TBC1D15: variants seen among roughly 807,000 people sequenced by gnomAD.
The protein encoded by TBC1D15 is GAP for RAB7.
Under a neutral mutation model 95.4 loss-of-function variants are expected in TBC1D15, and 39 were observed. The ratio of observed to expected loss-of-function variants is 0.41; its 90% confidence interval spans 0.32 to 0.53. TBC1D15 has a LOEUF of 0.53. TBC1D15 is among the 20% of genes least tolerant of loss of function. The pLI, the probability that TBC1D15 is intolerant of heterozygous loss-of-function variation, is 0.29. For missense variants in TBC1D15, 733 were observed against 794.3 expected, an observed-to-expected ratio of 0.92 and a Z score of 0.93; for synonymous variants, 258 against 261.3, an observed-to-expected ratio of 0.99 and a Z score of 0.12.
chr12:71,872,739 A>T (rs559356518), intron 2 of TBC1D15, among the ~76,000 whole-genome samples, 190 bp from the exon 3 acceptor site: 4 of 152,338 alleles, frequency 2.6e-5, no homozygotes, highest in Admixed American at 2.6e-4. Flanking sequence ...GTAGCAATAT[A>T]AATTTTTCAT....
intron 2 of TBC1D15, 60 bp downstream of exon 2, chr12:71,872,228 A>G: frequency 1.0e-6 from 1 of 992,180 alleles, no homozygotes; most frequent in Non-Finnish European, 1.5e-6. Context: ...TCATCTTTGG[A>G]GAATTATCAG....
intron 2 of TBC1D15, 86 bp from the exon 3 acceptor site, chr12:71,872,843 A>C: frequency 1.1e-6 from 1 of 937,508 alleles, no homozygotes; most frequent in South Asian, 1.8e-5. Context: ...TAAGAGGCTG[A>C]AATTTTATTT....
chr12:71,906,675 A>G (rs1408320290), intron 10 of TBC1D15, among the ~76,000 whole-genome samples: 2 of 151,484 alleles, frequency 1.3e-5, no homozygotes, highest in African/African-American at 2.4e-5. Context: ...TATCTATGAC[A>G]TGCATTAATG....
chr12:71,850,601 G>A (rs915874681), intron 1 of TBC1D15, among the ~76,000 whole-genome samples: 1 of 151,820 alleles, frequency 6.6e-6, no homozygotes, highest in African/African-American at 2.4e-5. Flanking sequence ...TGTGGACGTG[G>A]GGTCTAGCTG....
chr12:71,877,211 T>TGTG (rs35328541), intron 3 of TBC1D15, among the ~76,000 whole-genome samples: 135 of 131,920 alleles, frequency 1.0e-3, no homozygotes, highest in Admixed American at 1.0e-3. Context: ...TGTGTGTGTG[T>TGTG]TTTTTTTTTT....
intron 10 of TBC1D15, among the ~76,000 whole-genome samples, chr12:71,901,364 A>G (rs917798637): frequency 7.9e-5 from 12 of 152,016 alleles, no homozygotes; most frequent in African/African-American, 2.7e-4. Context: ...CTAAGATGGG[A>G]AAAACTGTTA....
chr12:71,917,882 G>A, intron 13 of TBC1D15, 85 bp downstream of exon 13: 1 of 867,334 alleles, frequency 1.2e-6, no homozygotes, highest in Non-Finnish European at 1.9e-6. Flanking sequence ...AAAGAAGCCA[G>A]GTGCAGTGGC....
chr12:71,878,232 T>C (rs544575393), intron 3 of TBC1D15, among the ~76,000 whole-genome samples: 1 of 151,584 alleles, frequency 6.6e-6, no homozygotes, highest in African/African-American at 2.4e-5. Flanking sequence ...ATTATTCCTT[T>C]GCTCATTGTG....
In TBC1D15 at chr12:71,875,099, C is replaced by T. The variant is rs12580797; in HGVS notation, c.204+2096C>T. On this transcript the variant is annotated intron_variant, in intron 3 of 16. Transcript: ENST00000485960. ...AACTACAGGCGCATGCCACCATGCC[C>T]GGCTAATTTTTGTATTTTTTGTAGA... 5.3e-3 allele frequency among the ~76,000 whole-genome samples: 812 copies of T among 151,900 alleles called. 12 individuals carry two copies. The highest frequency in any genetic ancestry group is 0.018 in the African/African-American group (750 of 41,396).
intron 15 of TBC1D15, 117 bp downstream of exon 15, chr12:71,920,964 A>T: frequency 1.4e-6 from 1 of 733,102 alleles, no homozygotes; most frequent in Non-Finnish European, 2.3e-6. Flanking sequence ...AATTGTGTCA[A>T]TAACAGTGCT....
At chr12:71,881,740 A>AC (rs758592887) in intron 4 of TBC1D15, among the ~76,000 whole-genome samples, 1 of 151,828 alleles carries the variant, frequency 6.6e-6, no homozygotes, top group African/African-American at 2.4e-5. Context: ...AAATGGTGAA[A>AC]CCCTGTCTCT....
intron 3 of TBC1D15, 146 bp from the exon 4 acceptor site, chr12:71,880,323 G>T: frequency 2.1e-6 from 1 of 467,772 alleles, no homozygotes; most frequent in Non-Finnish European, 3.5e-6. Context: ...AGATGATCAA[G>T]AGAGAAAAGT....
intron 3 of TBC1D15, among the ~76,000 whole-genome samples, chr12:71,874,423 T>G (rs1274137035): frequency 6.6e-6 from 1 of 152,276 alleles, no homozygotes; most frequent in South Asian, 2.1e-4. Flanking sequence ...TGGTTCTATT[T>G]GATGTAGCAT....
At chr12:71,849,455 A>G (rs1291212798) in intron 1 of TBC1D15, 7 of 1,026,216 alleles carry the variant, frequency 6.8e-6, no homozygotes, top group African/African-American at 6.3e-5. Context: ...CTTCAAGGGA[A>G]GATTCCAAAC....
chr12:71,909,415 A>G (rs756790985), intron 11 of TBC1D15, among the ~76,000 whole-genome samples: 1 of 152,158 alleles, frequency 6.6e-6, no homozygotes, highest in Non-Finnish European at 1.5e-5. Flanking sequence ...GTGAGACAAA[A>G]ATTATCAAAA....
chr12:71,915,672 G>A (rs1424304055), intron 12 of TBC1D15, among the ~76,000 whole-genome samples: 1 of 151,880 alleles, frequency 6.6e-6, no homozygotes, highest in Non-Finnish European at 1.5e-5. Flanking sequence ...TGTGTATGAA[G>A]GTTCAGTTTC....
chr12:71,910,311 G>A (rs1300870333), intron 11 of TBC1D15, among the ~76,000 whole-genome samples: 1 of 149,942 alleles, frequency 6.7e-6, no homozygotes, highest in Non-Finnish European at 1.5e-5. Context: ...CTCCAGCTTT[G>A]TTCTTTTGGC....
chr12:71,840,497 A>G (rs1032978081), intron 1 of TBC1D15, among the ~76,000 whole-genome samples: 2 of 152,166 alleles, frequency 1.3e-5, no homozygotes, highest in Admixed American at 6.5e-5. Flanking sequence ...TGACACGCCT[A>G]ATTTCGTTGG....
chr12:71,841,756 A>G (rs1293428466), intron 1 of TBC1D15, among the ~76,000 whole-genome samples: 1 of 152,156 alleles, frequency 6.6e-6, no homozygotes, highest in African/African-American at 2.4e-5. Flanking sequence ...AATCTTCTCT[A>G]CACCACCACT....
Sources: gnomAD v4.1 joint callset for allele counts (sites outside exome capture counted in the v4.1 genomes callset) on GRCh38, gnomAD v4.1.1 for gene constraint, MANE v1.5 for transcripts, NCBI Gene and HGNC (gene_info 2026-07-23, HGNC 2026-07-21) for gene names.